The following HHLA1 variants were observed in gnomAD, a reference collection of about 807,000 sequenced individuals.
The protein encoded by HHLA1 is HHLA1 neighbor of OC90.
Under a neutral mutation model 69.9 loss-of-function variants are expected in HHLA1, and 72 were observed. The observed-to-expected ratio is 1.03, with a 90% confidence interval of 0.85 to 1.25. The LOEUF is 1.25. Among genes scored for constraint, HHLA1 ranks in the 50% most tolerant of loss-of-function variants. The probability of loss-of-function intolerance (pLI) is 0.00; values close to 1 mark genes in which losing one functional copy is unlikely to be tolerated. For synonymous variants in HHLA1, 252 were observed against 233.2 expected, an observed-to-expected ratio of 1.08 and a Z score of -0.73; for missense variants, 685 against 642.2, an observed-to-expected ratio of 1.07 and a Z score of -0.72.
intron 16 of HHLA1, among the ~76,000 whole-genome samples, chr8:132,065,143 G>A (rs1461190682): frequency 6.6e-6 from 1 of 152,180 alleles, no homozygotes; most frequent in Admixed American, 6.5e-5. Flanking sequence ...GCTGATACTG[G>A]AATATCTGGA....
At position 132,108,457 on chromosome 8, in the gene HHLA1, C is replaced by T. The variant is rs117985899; in HGVS notation, c.-22+2645G>A. Among the ~76,000 whole-genome samples the T allele has an allele frequency of 1.1e-3, 167 of 151,966 alleles. 2 individuals carry two copies. The East Asian group carries it at 0.029, about 26-fold the overall frequency. ...CTGAATTAGATATCCAAAATTTTACCGTAAAATTAAGTTGTCATTATTTCA... is the reference window on the plus strand; with the variant it reads ...CTGAATTAGATATCCAAAATTTTACTGTAAAATTAAGTTGTCATTATTTCA... On this transcript the variant is annotated intron_variant, in intron 1 of 16. Coordinates refer to ENST00000414222, the MANE Select transcript of HHLA1 (RefSeq NM_001145095.3).
At chr8:132,086,054 A>T (rs1823855574) in intron 10 of HHLA1, among the ~76,000 whole-genome samples, 1 of 152,174 alleles carries the variant, frequency 6.6e-6, no homozygotes, top group African/African-American at 2.4e-5. Context: ...AGACAGAAAC[A>T]GCTTGAAAAA....
In HHLA1 at chr8:132,089,497, GT is replaced by G; in HGVS notation, c.532+18del. 1 of 1,390,002 alleles carries G rather than the reference GT, an allele frequency of 7.2e-7. No homozygotes were observed. Among genetic ancestry groups the G allele is most frequent in the Non-Finnish European group, 1.0e-6 (1 of 999,420 alleles). 86.1% of individuals were successfully genotyped at this position (1,390,002 alleles called of 1,614,324 possible). The stretch of plus-strand genomic sequence containing the variant: ...TGCTAAACCTCAAAGTTGCCAAAGC[GT>G]TTTCAAGATGAACACACCTGAGAGG... On this transcript the variant is annotated intron_variant, in intron 8 of 16. Transcript: ENST00000414222.
chr8:132,094,651 T>C (rs7828744), intron 7 of HHLA1, among the ~76,000 whole-genome samples: 140,643 of 152,198 alleles, frequency 0.92, 65,153 homozygotes, highest in Middle Eastern at 0.96. Context: ...TATCCCCCAC[T>C]GTGACTTTTC....
In HHLA1 at chr8:132,100,067, G is replaced by A. The variant is rs1296249414; in HGVS notation, c.199+8C>T. 3.2e-6 allele frequency: 5 copies of A among 1,549,372 alleles called. No individual in the cohort carries two copies. Among genetic ancestry groups the A allele is most frequent in the Non-Finnish European group, 4.4e-6 (5 of 1,144,874 alleles). ...ACAACCCAAGGGATTTGGGGGAGCG[G>A]CACTCACCCGTCGTAGCAAGAAATG... On this transcript the variant is annotated splice_region_variant and intron_variant, in intron 4 of 16. Transcript: ENST00000414222.
rs1361468944 is a variant in HHLA1, at chr8:132,062,880, T to A, written c.*1115A>T. ...TCCTTGGAATATCCTGCCTGATGAG[T>A]GTCTCTTGTACCTGGGGCTTCGTGC... is the stretch of plus-strand genomic sequence containing the variant. On this transcript the variant is annotated 3_prime_UTR_variant, in exon 17 of 17. Coordinates refer to ENST00000414222, the MANE Select transcript of HHLA1 (RefSeq NM_001145095.3). The A allele has an allele frequency of 6.6e-6, 1 of 152,170 alleles. No individual in the cohort carries two copies. The highest frequency in any genetic ancestry group is 2.4e-5 in the African/African-American group (1 of 41,392). The allele number at this position is 152,170 out of a possible 1,614,324, so 9.4% of individuals were successfully genotyped here.
intron 3 of HHLA1, chr8:132,101,288 T>C (rs1450026468): frequency 6.5e-7 from 1 of 1,549,744 alleles, no homozygotes; most frequent in Non-Finnish European, 8.7e-7. Flanking sequence ...AATAAAAGTT[T>C]TCATGAATAA....
At chr8:132,100,327 G>C (rs776759349) in intron 3 of HHLA1, among the ~76,000 whole-genome samples, 193 bp from the exon 4 acceptor site, 1 of 152,090 alleles carries the variant, frequency 6.6e-6, no homozygotes, top group Non-Finnish European at 1.5e-5. Flanking sequence ...GGGTGGCTGT[G>C]GCCTAGAAAT....
intron 14 of HHLA1, among the ~76,000 whole-genome samples, chr8:132,071,747 CAG>C (rs1823549212): frequency 2.0e-5 from 3 of 152,076 alleles, no homozygotes; most frequent in Non-Finnish European, 4.4e-5. Flanking sequence ...AAATATTAAA[CAG>C]AGATCTAAGA....
At chr8:132,102,844 G>A (rs74523668) in intron 3 of HHLA1, among the ~76,000 whole-genome samples, 2,908 of 147,866 alleles carry the variant, frequency 0.02, 110 homozygotes, top group African/African-American at 0.07. Flanking sequence ...ACCAAGGAAA[G>A]AATATTTCTA....
Position 132,095,534 on chromosome 8 carries a change from TC to T in HHLA1, c.432del (p.Thr145ProfsTer12), listed in dbSNP as rs1252909487. On this transcript the variant is annotated frameshift_variant, in exon 7 of 17. Coordinates refer to ENST00000414222, the MANE Select transcript of HHLA1 (RefSeq NM_001145095.3). LOFTEE classifies it high-confidence loss of function. ...PTRYCYCLNN[R>X]TNDLSDFTAL... ...CTGTACCCACCTGATAAGTCATTGG[TC>T]CGATTGTTTAAACAGTAGCAATACC... 6.5e-7 allele frequency: 1 copy of T among 1,549,294 alleles called. No homozygotes were observed. Among genetic ancestry groups the T allele is most frequent in the African/African-American group, 1.4e-5 (1 of 73,092 alleles).
chr8:132,102,076 T>C (rs1381809716), intron 3 of HHLA1, among the ~76,000 whole-genome samples: 2 of 152,226 alleles, frequency 1.3e-5, no homozygotes, highest in Admixed American at 1.3e-4. Context: ...AGATACCTCA[T>C]GAAAGTGGTA....
intron 16 of HHLA1, among the ~76,000 whole-genome samples, 165 bp downstream of exon 16, chr8:132,065,721 G>T (rs1218985145): frequency 2.0e-5 from 3 of 152,202 alleles, no homozygotes; most frequent in African/African-American, 4.8e-5. Flanking sequence ...CAAGCTGTTA[G>T]CTGAAAGGGA....
At chr8:132,106,123 T>G (rs1282345479) in intron 1 of HHLA1, among the ~76,000 whole-genome samples, 3 of 152,226 alleles carry the variant, frequency 2.0e-5, no homozygotes, top group African/African-American at 7.2e-5. Flanking sequence ...AATGACAATT[T>G]AAATACAGGC....
rs937261977 is a variant in HHLA1 at position 132,063,747 on chromosome 8, C to T, written c.*248G>A. 6.0e-4 allele frequency: 113 copies of T among 186,882 alleles called. 1 individual carries two copies. Among genetic ancestry groups the T allele is most frequent in the African/African-American group, 8.1e-4 (35 of 43,454 alleles). 11.6% of individuals were successfully genotyped at this position (186,882 alleles called of 1,614,324 possible). ...TAGATTTCCATGATTTTGAAGCAGG[C>T]AAGGAGTCTGGCATTACTGTATTAA... is the stretch of plus-strand genomic sequence containing the variant. On this transcript the variant is annotated 3_prime_UTR_variant, in exon 17 of 17. Coordinates refer to ENST00000414222, the MANE Select transcript of HHLA1 (RefSeq NM_001145095.3).
chr8:132,068,202 T>G (rs1265879987), intron 15 of HHLA1, among the ~76,000 whole-genome samples: 2 of 152,168 alleles, frequency 1.3e-5, no homozygotes, highest in Non-Finnish European at 2.9e-5. Context: ...GGATTTAAGT[T>G]GCAGCAACCA....
intron 1 of HHLA1, among the ~76,000 whole-genome samples, chr8:132,110,194 C>G (rs1824272859): frequency 1.3e-5 from 2 of 152,204 alleles, no homozygotes; most frequent in Admixed American, 1.3e-4. Context: ...TGGAAATACA[C>G]ACTGGAGTGT....
chr8:132,102,494 C>T (rs1391198475), intron 3 of HHLA1, among the ~76,000 whole-genome samples: 1 of 152,218 alleles, frequency 6.6e-6, no homozygotes, highest in Admixed American at 6.5e-5. Flanking sequence ...AGGGCAAATG[C>T]TGCCAACTAG....
rs866896995 is a variant in HHLA1, at chr8:132,079,951, C to A, written c.692G>T (p.Gly231Val). 8.4e-6 allele frequency: 13 copies of A among 1,552,208 alleles called. No homozygotes were observed. In the African/African-American group the frequency reaches 1.1e-4, roughly 13 times the overall value. The change falls in exon 11 of 17, where the codon GGA (glycine) becomes GTA (valine). Residue 231 changes from glycine to valine, a missense_variant. Physicochemically the swap from Gly to Val is moderately radical, Grantham distance 109. Transcript: ENST00000414222. ...TGTGGGCTTTGAAGTCCTGGCAGTT[C>A]CCCTGGTAGCTGCACCTTCAGGGAG... ...LSGVLGAATR[G>V]TARTSKPTTK...
Sources: gnomAD v4.1 joint callset for allele counts (sites outside exome capture counted in the v4.1 genomes callset) on GRCh38, gnomAD v4.1.1 for gene constraint, MANE v1.5 for transcripts, NCBI Gene and HGNC (gene_info 2026-07-23, HGNC 2026-07-21) for gene names.